Variants in MIA2 observed in about 807,000 individuals in gnomAD.
MIA2 encodes the protein MIA SH3 domain ER export factor 2.
MIA2 carries 127 observed loss-of-function variants against 167.8 expected under a neutral mutation model. That is an observed-to-expected ratio of 0.76 (90% confidence interval 0.66 to 0.88). The LOEUF (loss-of-function observed/expected upper bound fraction) is 0.88, where lower values mean the gene tolerates loss of function less well. Ranked by LOEUF, MIA2 falls within the 40% of genes least tolerant of loss-of-function variation. The pLI, the probability that MIA2 is intolerant of heterozygous loss-of-function variation, is 0.00. For synonymous variants in MIA2, 552 were observed against 541.9 expected (o/e 1.02, Z -0.26); for missense variants, 1,690 against 1,624.7 (o/e 1.04, Z -0.69).
intron 23 of MIA2, chr14:39,370,443 G>A (rs913238103): frequency 8.1e-6 from 2 of 245,502 alleles, no homozygotes; most frequent in African/African-American, 4.6e-5. Flanking sequence ...AGGTATGCTT[G>A]TGGGATGGTG....
intron 13 of MIA2, among the ~76,000 whole-genome samples, chr14:39,295,458 C>A (rs181241582): frequency 2.0e-5 from 3 of 152,066 alleles, no homozygotes; most frequent in Non-Finnish European, 4.4e-5. Context: ...TTCTCCTTTG[C>A]CAATGTAATT....
At chr14:39,291,258 A>C in intron 10 of MIA2, 162 bp downstream of exon 10, 1 of 541,302 alleles carries the variant, frequency 1.8e-6, no homozygotes, top group Non-Finnish European at 3.0e-6. Context: ...ATGGGACAAT[A>C]GGAGGTAGCA....
rs765804154 is a variant in MIA2 at position 39,345,938 on chromosome 14, A to G, written c.3690A>G (p.Gln1230=). 2 of 1,611,888 alleles carry G rather than the reference A, an allele frequency of 1.2e-6. No individual in the cohort carries two copies. The highest frequency in any genetic ancestry group is 1.7e-6 in the Non-Finnish European group (2 of 1,179,094). The change falls in exon 26 of 29, where the codon CAA becomes CAG. Residue 1230 remains glutamine (Q), a synonymous_variant. Transcript: ENST00000640607. The part of the protein sequence containing the change: ...QSYPDSALPP[Q]RQDRFCSNSG... ...ATCCTGATTCAGCCCTTCCTCCACAAAGGCAAGACAGATTTTGTTCTAATT... is the reference window on the plus strand; with the variant it reads ...ATCCTGATTCAGCCCTTCCTCCACAGAGGCAAGACAGATTTTGTTCTAATT...
At chr14:39,358,247 C>G (rs763873627) in intron 23 of MIA2, among the ~76,000 whole-genome samples, 2 of 152,126 alleles carry the variant, frequency 1.3e-5, no homozygotes, top group Non-Finnish European at 2.9e-5. Context: ...AGGCTTTGTT[C>G]GTTTCTTTTT....
intron 23 of MIA2, among the ~76,000 whole-genome samples, chr14:39,374,243 A>C (rs1313519625): frequency 2.0e-5 from 3 of 152,202 alleles, no homozygotes; most frequent in Non-Finnish European, 4.4e-5. Flanking sequence ...TTGCAGAAGC[A>C]CTTTGAGTCC....
At chr14:39,348,647 C>T (rs2073911290) in intron 27 of MIA2, 96 bp from the exon 28 acceptor site, 1 of 1,507,202 alleles carries the variant, frequency 6.6e-7, no homozygotes, top group East Asian at 2.3e-5. Context: ...TCATGGAATG[C>T]TTTCTGTCTA....
intron 20 of MIA2, chr14:39,315,158 C>T: frequency 6.0e-6 from 1 of 166,824 alleles, no homozygotes; most frequent in Non-Finnish European, 1.2e-5. Flanking sequence ...ACAAAAATAG[C>T]CGGGTATGGT....
intron 23 of MIA2, chr14:39,385,718 CCTTCTTACGTGT>C: frequency 1.0e-6 from 1 of 966,352 alleles, no homozygotes; most frequent in East Asian, 2.4e-5. Flanking sequence ...AGACTATAGT[CCTTCTTACGTGT>C]CTCTACCGGA....
chr14:39,387,570 G>C (rs2075289168), exon 24 of MIA2: 1 of 152,322 alleles, frequency 6.6e-6, no homozygotes, highest in Admixed American at 6.5e-5. Flanking sequence ...TGGTGAAGAT[G>C]CTGTGAACAT....
Position 39,386,940 on chromosome 14 carries a change from GC to G in MIA2, c.2308del (p.Gln770ArgfsTer39). On this transcript the variant is annotated frameshift_variant, in exon 24 of 24. Coordinates refer to the MIA2 transcript ENST00000341502. LOFTEE classifies it high-confidence loss of function. ...CGGCTTCAGGTAGGGGCCTAGGAGGGCCCCAGAAATGAAGCCGAAGCATTGG... is the reference window on the plus strand; with the variant it reads ...CGGCTTCAGGTAGGGGCCTAGGAGGGCCCAGAAATGAAGCCGAAGCATTGG... 1 of 775,052 alleles carries G rather than the reference GC, an allele frequency of 1.3e-6. No individual in the cohort carries two copies. 48.0% of individuals were successfully genotyped at this position (775,052 alleles called of 1,614,324 possible). A position where few individuals can be genotyped will look rare whatever the true frequency, so the allele number is the denominator to read the frequency against.
At chr14:39,270,560 G>C (rs915576709) in intron 6 of MIA2, among the ~76,000 whole-genome samples, 1 of 151,842 alleles carries the variant, frequency 6.6e-6, no homozygotes, top group Non-Finnish European at 1.5e-5. Context: ...ATGGGGTCTT[G>C]CTTTGTTGCC....
intron 23 of MIA2, among the ~76,000 whole-genome samples, chr14:39,378,307 A>G (rs7149971): frequency 2.0e-5 from 3 of 152,082 alleles, no homozygotes; most frequent in Non-Finnish European, 4.4e-5. Context: ...GTCTGCTACT[A>G]GTTCATCCCA....
intron 23 of MIA2, chr14:39,386,170 G>A: frequency 7.3e-7 from 1 of 1,376,856 alleles, no homozygotes; most frequent in Non-Finnish European, 1.0e-6. Context: ...TTGTTCCAGA[G>A]GTCTTGCCCT....
intron 9 of MIA2, among the ~76,000 whole-genome samples, chr14:39,287,017 T>C (rs2059916634): frequency 6.6e-6 from 1 of 151,678 alleles, no homozygotes; most frequent in Non-Finnish European, 1.5e-5. Context: ...TGAGCTACCA[T>C]GCCAGGCCTT....
At chr14:39,268,086 A>G (rs2056337816) in intron 6 of MIA2, among the ~76,000 whole-genome samples, 2 of 151,408 alleles carry the variant, frequency 1.3e-5, no homozygotes, top group South Asian at 4.2e-4. Flanking sequence ...GAGATAGTAA[A>G]CTCCCAGTGT....
chr14:39,372,399 G>A (rs1328916173), intron 23 of MIA2, among the ~76,000 whole-genome samples: 1 of 152,164 alleles, frequency 6.6e-6, no homozygotes, highest in Non-Finnish European at 1.5e-5. Flanking sequence ...TGAGTTATAA[G>A]TGAGTAGAGC....
intron 25 of MIA2, among the ~76,000 whole-genome samples, chr14:39,336,005 G>A (rs191729171): frequency 8.2e-4 from 125 of 152,304 alleles, no homozygotes; most frequent in African/African-American, 2.7e-3. Context: ...CCAGTCCACC[G>A]TTGGTGGGTA....
chr14:39,326,769 T>A, intron 24 of MIA2, 95 bp from the exon 25 acceptor site: 1 of 1,133,828 alleles, frequency 8.8e-7, no homozygotes. Flanking sequence ...TTTGTATTTA[T>A]AATTTATGAT....
chr14:39,277,078 T>A lies in MIA2; in HGVS notation c.2019+13T>A. On this transcript the variant is annotated intron_variant, in intron 7 of 28. Transcript: ENST00000640607. ...AAGTTTTAGATCGGTAAGTAACCAG[T>A]GCTATACTAAGAGAATGTTCATTTT... 1 of 1,608,452 alleles carries A rather than the reference T, an allele frequency of 6.2e-7. No homozygotes were observed. The highest frequency in any genetic ancestry group is 8.5e-7 in the Non-Finnish European group (1 of 1,178,250).
Sources: gnomAD v4.1 joint callset for allele counts (sites outside exome capture counted in the v4.1 genomes callset) on GRCh38, gnomAD v4.1.1 for gene constraint, MANE v1.5 for transcripts, NCBI Gene and HGNC (gene_info 2026-07-23, HGNC 2026-07-21) for gene names.